NR4A1: variants seen among roughly 807,000 people sequenced by gnomAD.
NR4A1 encodes nuclear receptor subfamily 4immunitygroup A member 1.
In NR4A1, 24 loss-of-function variants were observed where a neutral mutation model predicts 47.5. The observed-to-expected ratio is 0.50, with a 90% confidence interval of 0.37 to 0.71. The LOEUF (loss-of-function observed/expected upper bound fraction) is 0.71. Ranked by LOEUF, NR4A1 falls within the 30% of genes least tolerant of loss-of-function variation. NR4A1 has a pLI of 0.00. For synonymous variants in NR4A1, 353 were observed against 345.7 expected (o/e 1.02, Z -0.24); for missense variants, 669 against 788.6 (o/e 0.85, Z 1.82).
chr12:52,037,244 C>A, intron 1 of NR4A1: 1 of 410,934 alleles, frequency 2.4e-6, no homozygotes, highest in Non-Finnish European at 3.3e-6. Flanking sequence ...GGGCGGGGGG[C>A]GCTGAGCGGC....
At chr12:52,047,683 G>A (rs1389513806), upstream of NR4A1, among the ~76,000 whole-genome samples, 2 of 152,194 alleles carry the variant, frequency 1.3e-5, no homozygotes, top group Non-Finnish European at 2.9e-5. Flanking sequence ...CCCAGATCTG[G>A]AGGCTAGATG....
At chr12:52,056,914 G>C in intron 4 of NR4A1, 143 bp from the exon 5 acceptor site, 1 of 885,182 alleles carries the variant, frequency 1.1e-6, no homozygotes, top group Non-Finnish European at 1.7e-6. Flanking sequence ...TAATATGTGA[G>C]ACTTGGCAAG....
At chr12:52,041,091 T>C (rs1454607465) in intron 1 of NR4A1, among the ~76,000 whole-genome samples, 4 of 152,296 alleles carry the variant, frequency 2.6e-5, no homozygotes, top group Middle Eastern at 3.4e-3. Flanking sequence ...GGGTTGGGGC[T>C]AGCTTTTATG....
rs1388324335 is a variant in NR4A1 at position 52,054,571 on chromosome 12, C to G, written c.243C>G (p.Ala81=). 3.1e-6 allele frequency: 5 copies of G among 1,614,150 alleles called. No homozygotes were observed. Among genetic ancestry groups the G allele is most frequent in the Middle Eastern group, 1.6e-4 (1 of 6,062 alleles). ...LPGTVQPCSS[A]SSSASSTSSS... ...GAACAGTCCAGCCATGCTCCTCAGCCTCCTCCTCGGCCTCCTCCACATCCT... is the reference window on the plus strand; with the variant it reads ...GAACAGTCCAGCCATGCTCCTCAGCGTCCTCCTCGGCCTCCTCCACATCCT... Residue 81 remains alanine (A), a synonymous_variant, in exon 2 of 7, where the codon GCC becomes GCG. Transcript: ENST00000394825.
chr12:52,053,138 C>T (rs2603760), intron 1 of NR4A1, among the ~76,000 whole-genome samples: 9,746 of 152,194 alleles, frequency 0.064, 1,008 homozygotes, highest in African/African-American at 0.22. Context: ...GCCAGAGTTA[C>T]GCAGACCCCA....
intron 1 of NR4A1, chr12:52,037,626 G>A: frequency 1.0e-6 from 1 of 985,464 alleles, no homozygotes; most frequent in Non-Finnish European, 1.2e-6. Context: ...CAAGGGCGAC[G>A]GCCAAGGCTT....
At chr12:52,034,324 T>C (rs1201758813) in intron 1 of NR4A1, among the ~76,000 whole-genome samples, 1 of 152,224 alleles carries the variant, frequency 6.6e-6, no homozygotes, top group Non-Finnish European at 1.5e-5. Context: ...TGGCAATGTT[T>C]CCATACCTAT....
intron 1 of NR4A1, among the ~76,000 whole-genome samples, chr12:52,033,344 G>T (rs184924924): frequency 1.5e-4 from 23 of 152,366 alleles, no homozygotes; most frequent in African/African-American, 5.5e-4. Context: ...CCAAATCCTC[G>T]CTCCTCTGGG....
At chr12:52,055,855 C>CT in intron 2 of NR4A1, 175 bp from the exon 3 acceptor site, 1 of 439,994 alleles carries the variant, frequency 2.3e-6, no homozygotes, top group South Asian at 4.0e-5. Flanking sequence ...ACTTTTCTCT[C>CT]CCCCCGCCCA....
At chr12:52,031,392 T>A (rs1008925015) in intron 1 of NR4A1, among the ~76,000 whole-genome samples, 5 of 151,370 alleles carry the variant, frequency 3.3e-5, no homozygotes, top group Admixed American at 2.0e-4. Flanking sequence ...ATCTCAACAC[T>A]TTGGGAGGCC....
At position 52,057,093 on chromosome 12, in the gene NR4A1, G is replaced by C; in HGVS notation, c.1195G>C (p.Asp399His). 1 of 1,611,228 alleles carries C rather than the reference G, an allele frequency of 6.2e-7. No individual in the cohort carries two copies. Among genetic ancestry groups the C allele is most frequent in the South Asian group, 1.1e-5 (1 of 90,336 alleles). ...GGTGCTGCCCCACTTTGGGAAGGAA[G>C]ATGCTGGGGATGTACAGCAGTTCTA... ...ELVLPHFGKE[D>H]AGDVQQFYDL... The change falls in exon 5 of 7, where the codon GAT becomes CAT. Residue 399 changes from aspartate to histidine, a missense_variant. Transcript: ENST00000394825.
chr12:52,038,640 A>G lies in NR4A1; in HGVS notation c.-83-3170A>G, dbSNP rs901188896. ...GATCTACTCCAAGTGAACATTTAAG[A>G]TCAGTGACTTGGATGGAGACTTAAA... On this transcript the variant is annotated intron_variant, in intron 1 of 7. Transcript: ENST00000360284. 5.2e-5 allele frequency: 38 copies of G among 729,530 alleles called. No homozygotes were observed. The Admixed American group carries it at 5.6e-4, about 11-fold the overall frequency. 45.2% of individuals were successfully genotyped at this position (729,530 alleles called of 1,614,324 possible). A position where few individuals can be genotyped will look rare whatever the true frequency, so the allele number is the denominator to read the frequency against.
At chr12:52,030,706 G>C (rs1938104985) in intron 1 of NR4A1, among the ~76,000 whole-genome samples, 1 of 152,208 alleles carries the variant, frequency 6.6e-6, no homozygotes, top group Admixed American at 6.5e-5. Context: ...TGGGATTACA[G>C]GCGCGAGCCA....
chr12:52,033,393 G>A (rs1380270657), intron 1 of NR4A1, among the ~76,000 whole-genome samples: 2 of 152,238 alleles, frequency 1.3e-5, no homozygotes, highest in Admixed American at 1.3e-4. Flanking sequence ...AATCACGCAG[G>A]CCTGAAACGC....
intron 1 of NR4A1, among the ~76,000 whole-genome samples, chr12:52,036,297 T>A (rs543782641): frequency 6.6e-6 from 1 of 151,868 alleles, no homozygotes; most frequent in Non-Finnish European, 1.5e-5. Context: ...CATGGAAGCC[T>A]GGGCCTGAAG....
Position 52,058,935 on chromosome 12 carries a change from G to A in NR4A1, c.1788G>A (p.Leu596=). ...TTGACAAGATCTTCATGGACACGCT[G>A]CCCTTCTGACCCCTGCCTGGGAACA... ...PIIDKIFMDT[L]PF Residue 596 remains leucine (L), a synonymous_variant, in exon 7 of 7, where the codon CTG becomes CTA. Coordinates refer to ENST00000394825, the MANE Select transcript of NR4A1 (RefSeq NM_173157.3). 6.2e-7 allele frequency: 1 copy of A among 1,611,696 alleles called. No homozygotes were observed. Among genetic ancestry groups the A allele is most frequent in the South Asian group, 1.1e-5 (1 of 90,976 alleles).
At chr12:52,042,531 C>T (rs1201658251) in intron 2 of NR4A1, among the ~76,000 whole-genome samples, 1 of 152,152 alleles carries the variant, frequency 6.6e-6, no homozygotes, top group East Asian at 1.9e-4. Flanking sequence ...CCTTCACTTA[C>T]AGAAGAGGAG....
intron 1 of NR4A1, chr12:52,037,584 C>T: frequency 1.0e-6 from 1 of 983,506 alleles, no homozygotes; most frequent in Non-Finnish European, 1.2e-6. Context: ...GGACTGGATT[C>T]CCAGCGGAAC....
upstream of NR4A1, among the ~76,000 whole-genome samples, chr12:52,048,022 C>T (rs900026861): frequency 2.0e-5 from 3 of 151,644 alleles, no homozygotes; most frequent in African/African-American, 7.3e-5. Context: ...GGTGTGGTGG[C>T]AGGCACCTGT....
Sources: allele counts gnomAD v4.1 joint callset (sites outside exome capture counted in the v4.1 genomes callset), GRCh38; gene constraint gnomAD v4.1.1; transcripts MANE v1.5; gene names NCBI Gene and HGNC (gene_info 2026-07-23, HGNC 2026-07-21).